INPP4A: variants seen among roughly 807,000 people sequenced by gnomAD.
The protein encoded by INPP4A is inositol polyphosphate-4-phosphatase, type I, 107kD.
In INPP4A, 33 loss-of-function variants were observed where a neutral mutation model predicts 119.8. That is an observed-to-expected ratio of 0.28 (90% confidence interval 0.21 to 0.37). The LOEUF is 0.37. Ranked by LOEUF, INPP4A falls within the 10% of genes least tolerant of loss-of-function variation. INPP4A has a pLI of 1.00. For missense variants in INPP4A, 956 were observed against 1,289.9 expected (o/e 0.74, Z 3.97); for synonymous variants, 496 against 500.7 (o/e 0.99, Z 0.12).
chr2:98,551,673 G>T (rs181393450), intron 13 of INPP4A, among the ~76,000 whole-genome samples: 57 of 152,202 alleles, frequency 3.7e-4, no homozygotes, highest in African/African-American at 1.3e-3. Flanking sequence ...AGGTGCCCTC[G>T]CTCCTCCTCT....
rs758252090 is a variant in INPP4A at position 98,535,744 on chromosome 2, A to G, written c.286A>G (p.Ile96Val). The change falls in exon 6 of 25, where the codon ATA becomes GTA. Residue 96 changes from isoleucine to valine, a missense_variant. Around this residue, in one of 2 missense-constraint regions of INPP4A, gnomAD observed 652 missense variants for 797.9 expected, o/e 0.82. Coordinates refer to ENST00000409851, the MANE Select transcript of INPP4A (RefSeq NM_001134225.2). ...TCTGTTCTAGGGAACCAACAATCCT[A>G]TATTTCTAAGCAGTATTGCCTTCTT... is the stretch of plus-strand genomic sequence containing the variant. ...TEIIEGTNNP[I>V]FLSSIAFFQD... 2.0e-6 allele frequency: 3 copies of G among 1,534,796 alleles called. No homozygotes were observed. The highest frequency in any genetic ancestry group is 2.7e-6 in the Non-Finnish European group (3 of 1,117,278).
chr2:98,459,423 A>G (rs1470658411), intron 1 of INPP4A, among the ~76,000 whole-genome samples: 1 of 152,220 alleles, frequency 6.6e-6, no homozygotes, highest in Non-Finnish European at 1.5e-5. Context: ...GCTGGCGTGC[A>G]GAGTGCTGAG....
At chr2:98,468,444 AC>A (rs1220582268) in intron 1 of INPP4A, among the ~76,000 whole-genome samples, 4 of 151,894 alleles carry the variant, frequency 2.6e-5, no homozygotes, top group African/African-American at 9.7e-5. Flanking sequence ...TTGCTTTGTT[AC>A]CCAGGGTGGT....
chr2:98,553,591 C>T (rs1693945525), intron 14 of INPP4A, among the ~76,000 whole-genome samples: 1 of 151,932 alleles, frequency 6.6e-6, no homozygotes, highest in African/African-American at 2.4e-5. Flanking sequence ...ACACACACAC[C>T]CCAGATTCTG....
chr2:98,515,049 TC>T (rs1456789481), intron 1 of INPP4A, among the ~76,000 whole-genome samples: 1 of 152,198 alleles, frequency 6.6e-6, no homozygotes, highest in Non-Finnish European at 1.5e-5. Context: ...TCCACGCCCT[TC>T]CCACATGCCT....
At chr2:98,524,235 C>A (rs1687775303) in intron 4 of INPP4A, among the ~76,000 whole-genome samples, 1 of 150,620 alleles carries the variant, frequency 6.6e-6, no homozygotes, top group African/African-American at 2.4e-5. Flanking sequence ...CAAATATATG[C>A]AGTTTACCTC....
intron 1 of INPP4A, among the ~76,000 whole-genome samples, chr2:98,506,704 T>C (rs1251174363): frequency 6.6e-6 from 1 of 152,164 alleles, no homozygotes; most frequent in Non-Finnish European, 1.5e-5. Context: ...GCAGACACTG[T>C]TGAAGTCCTG....
intron 15 of INPP4A, among the ~76,000 whole-genome samples, chr2:98,555,186 CA>C (rs1694223197): frequency 6.6e-6 from 1 of 152,156 alleles, no homozygotes; most frequent in Admixed American, 6.5e-5. Flanking sequence ...TCCCTTCTAT[CA>C]AAAGGAGGCC....
intron 1 of INPP4A, among the ~76,000 whole-genome samples, chr2:98,465,594 A>G (rs1397492739): frequency 1.3e-5 from 2 of 152,168 alleles, no homozygotes; most frequent in East Asian, 3.8e-4. Flanking sequence ...ACTGTCCCAC[A>G]TACAGTGGGC....
chr2:98,528,243 A>G (rs997272898), intron 4 of INPP4A, among the ~76,000 whole-genome samples: 2 of 152,062 alleles, frequency 1.3e-5, no homozygotes, highest in Non-Finnish European at 2.9e-5. Flanking sequence ...GTTCAAAATT[A>G]TAATAACTGA....
At chr2:98,447,425 A>G (rs969506982) in intron 1 of INPP4A, among the ~76,000 whole-genome samples, 2 of 152,176 alleles carry the variant, frequency 1.3e-5, no homozygotes, top group African/African-American at 4.8e-5. Context: ...TGAGGAGACC[A>G]ATATTAACGC....
At chr2:98,467,087 C>T (rs1408133194) in intron 1 of INPP4A, among the ~76,000 whole-genome samples, 2 of 152,124 alleles carry the variant, frequency 1.3e-5, no homozygotes, top group African/African-American at 4.8e-5. Context: ...TGAAGGGGAG[C>T]TGTCGTGTGC....
chr2:98,520,935 C>A, intron 4 of INPP4A: 1 of 491,548 alleles, frequency 2.0e-6, no homozygotes. Context: ...TGCCCACAGG[C>A]TCCTGTCTCC....
intron 4 of INPP4A, among the ~76,000 whole-genome samples, chr2:98,523,605 A>G (rs1574905292): frequency 6.6e-6 from 1 of 152,104 alleles, no homozygotes. Flanking sequence ...TGTGTTAGCC[A>G]GGATGGTCTC....
chr2:98,549,951 C>G (rs1486124897), intron 13 of INPP4A, among the ~76,000 whole-genome samples: 1 of 152,128 alleles, frequency 6.6e-6, no homozygotes, highest in Non-Finnish European at 1.5e-5. Flanking sequence ...GGGACTCTTT[C>G]AAGGCCTGAT....
rs1246896287 is a variant in INPP4A, at chr2:98,546,192, G to A, written c.1054+119G>A. On this transcript the variant is annotated intron_variant, in intron 12 of 24. Transcript: ENST00000409851. This position sits in a 1 kb window ranked among gnomAD's most constrained non-coding sequence, Gnocchi z 4.2. ...CCTGTGTGCTCTGGGCGGCTCGGAG[G>A]AGAGATTTGTCACAAGGACCTTCAA... is the stretch of plus-strand genomic sequence containing the variant. The A allele has an allele frequency of 1.9e-5, 13 of 680,208 alleles. No individual in the cohort carries two copies. Among genetic ancestry groups the A allele is most frequent in the Admixed American group, 1.1e-4 (4 of 37,142 alleles). The allele number at this position is 680,208 out of a possible 1,614,324, so 42.1% of individuals were successfully genotyped here.
chr2:98,479,148 C>G (rs1178578107), intron 1 of INPP4A, among the ~76,000 whole-genome samples: 5 of 152,180 alleles, frequency 3.3e-5, no homozygotes, highest in Admixed American at 3.3e-4. Flanking sequence ...ACTCCCCACT[C>G]AAGATATTAT....
chr2:98,508,146 G>A (rs1033924741), intron 1 of INPP4A, among the ~76,000 whole-genome samples: 3 of 152,198 alleles, frequency 2.0e-5, no homozygotes, highest in Non-Finnish European at 1.5e-5. Flanking sequence ...AGCAGAGCTC[G>A]GGTTAGAGGC....
intron 4 of INPP4A, among the ~76,000 whole-genome samples, chr2:98,530,765 C>G (rs1211600153): frequency 6.6e-6 from 1 of 151,996 alleles, no homozygotes. Context: ...GAAATAGATC[C>G]AAAGGGGCTG....
Sources: gnomAD v4.1 joint callset for allele counts (sites outside exome capture counted in the v4.1 genomes callset) on GRCh38, gnomAD v4.1.1 for gene constraint, gnomAD v4.1.1 regional missense constraint, Gnocchi (gnomAD v3.1) non-coding constraint, MANE v1.5 for transcripts, NCBI Gene and HGNC (gene_info 2026-07-23, HGNC 2026-07-21) for gene names.